The following XRCC5 variants were observed in gnomAD, a reference collection of about 807,000 sequenced individuals.
The protein encoded by XRCC5 is DNA repair protein Ku80.
A neutral mutation model predicts 95.7 loss-of-function variants in XRCC5; 12 were observed. The ratio of observed to expected loss-of-function variants is 0.13; its 90% CI spans 0.08 to 0.20. XRCC5 has a LOEUF of 0.20. XRCC5 is among the 10% of genes least tolerant of loss of function. The pLI is 1.00. For missense variants in XRCC5, 595 were observed against 873.9 expected (o/e 0.68, Z 4.02); for synonymous variants, 281 against 290.3 (o/e 0.97, Z 0.33).
intron 16 of XRCC5, among the ~76,000 whole-genome samples, chr2:216,177,574 G>A (rs938295030): frequency 6.6e-6 from 1 of 152,210 alleles, no homozygotes; most frequent in Admixed American, 6.5e-5. Flanking sequence ...TGGAAAAATT[G>A]TGTAGATTTT....
chr2:216,154,176 T>G (rs1364751808), intron 14 of XRCC5, among the ~76,000 whole-genome samples: 2 of 152,326 alleles, frequency 1.3e-5, no homozygotes, highest in African/African-American at 2.4e-5. Context: ...CAGTTGAAAT[T>G]GGCAAGTTGC....
chr2:216,197,399 C>T (rs1409408100), intron 19 of XRCC5, among the ~76,000 whole-genome samples: 4 of 146,260 alleles, frequency 2.7e-5, no homozygotes, highest in South Asian at 2.2e-4. Flanking sequence ...GAGCCGAGAT[C>T]GCGCCATTGC....
At chr2:216,163,769 T>G (rs1014968122) in intron 16 of XRCC5, among the ~76,000 whole-genome samples, 1 of 152,196 alleles carries the variant, frequency 6.6e-6, no homozygotes, top group Non-Finnish European at 1.5e-5. Flanking sequence ...TCTACCAGGC[T>G]TAAATCCTGT....
chr2:216,163,139 C>CT (rs35554087), intron 16 of XRCC5, among the ~76,000 whole-genome samples: 46 of 147,982 alleles, frequency 3.1e-4, no homozygotes, highest in Middle Eastern at 3.4e-3. Context: ...AGGGGAATCA[C>CT]TTTTTTTTTT....
intron 1 of XRCC5, 141 bp from the exon 2 acceptor site, chr2:216,112,875 C>G: frequency 1.6e-6 from 1 of 626,656 alleles, no homozygotes. Flanking sequence ...GTCTTACACA[C>G]ATTCTTATGT....
rs549417783 is a variant in XRCC5, at chr2:216,153,195, C to T, written c.1670+4919C>T. Among the ~76,000 whole-genome samples, 17 of 152,320 alleles carry T rather than the reference C, an allele frequency of 1.1e-4. 1 individual carries two copies. In the East Asian group the frequency reaches 1.5e-3, roughly 14 times the overall value. ...AAGACACTAACTGCTAAATTCACTT[C>T]GGCTTTGTGGTTCTTTGCTTTCTTG... is the stretch of plus-strand genomic sequence containing the variant. On this transcript the variant is annotated intron_variant, in intron 14 of 20. Coordinates refer to ENST00000392132, the MANE Select transcript of XRCC5 (RefSeq NM_021141.4).
intron 5 of XRCC5, among the ~76,000 whole-genome samples, chr2:216,121,015 C>T (rs41299758): frequency 0.014 from 2,124 of 152,282 alleles, 35 homozygotes; most frequent in Admixed American, 0.054. Context: ...GGATTACAGG[C>T]GTGAGCCACT....
At chr2:216,153,341 C>T (rs1688780484) in intron 14 of XRCC5, among the ~76,000 whole-genome samples, 1 of 152,156 alleles carries the variant, frequency 6.6e-6, no homozygotes, top group Admixed American at 6.5e-5. Context: ...CTCTCAGATT[C>T]CTGTGGGGGC....
intron 12 of XRCC5, among the ~76,000 whole-genome samples, chr2:216,139,424 T>TA (rs1697139674): frequency 1.3e-5 from 2 of 152,104 alleles, no homozygotes; most frequent in African/African-American, 4.8e-5. Flanking sequence ...AAACCCCTGA[T>TA]AAACCCATCA....
chr2:216,161,737 G>A (rs542964373), intron 15 of XRCC5, among the ~76,000 whole-genome samples: 43 of 152,290 alleles, frequency 2.8e-4, no homozygotes, highest in African/African-American at 9.6e-4. Context: ...TGACCCTTCT[G>A]GAAAGAAATC....
intron 16 of XRCC5, among the ~76,000 whole-genome samples, chr2:216,177,286 T>C (rs1034041622): frequency 2.0e-5 from 3 of 152,230 alleles, no homozygotes; most frequent in Admixed American, 6.5e-5. Context: ...TTGAAAGTTA[T>C]TCACCTTGAG....
intron 1 of XRCC5, among the ~76,000 whole-genome samples, chr2:216,109,685 T>C (rs935879738): frequency 1.2e-4 from 18 of 151,872 alleles, no homozygotes; most frequent in African/African-American, 4.4e-4. Context: ...ACCTCTTCCA[T>C]TACCCACCCA....
chr2:216,181,326 A>C (rs1689382518), intron 16 of XRCC5, among the ~76,000 whole-genome samples: 1 of 152,086 alleles, frequency 6.6e-6, no homozygotes, highest in Non-Finnish European at 1.5e-5. Flanking sequence ...GTTTGTACAG[A>C]TTTAAGTTCT....
In XRCC5 at chr2:216,192,531, T is replaced by G. The variant is rs375139600; in HGVS notation, c.1945-108T>G. 5 of 600,870 alleles carry G rather than the reference T, an allele frequency of 8.3e-6. No homozygotes were observed. The East Asian group carries it at 1.7e-4, about 20-fold the overall frequency. The allele number at this position is 600,870 out of a possible 1,614,324, so 37.2% of individuals were successfully genotyped here. On this transcript the variant is annotated intron_variant, in intron 17 of 20. Transcript: ENST00000392132. ...GTACCAAAGAAGAACATTTTATTTT[T>G]TTGTAATAAATAAGGTGATTCAGAC... is the stretch of plus-strand genomic sequence containing the variant.
chr2:216,127,394 A>C, intron 7 of XRCC5, 142 bp from the exon 8 acceptor site: 1 of 870,468 alleles, frequency 1.1e-6, no homozygotes, highest in East Asian at 2.8e-5. Flanking sequence ...AAATTTTCAT[A>C]ATAGGCATGA....
chr2:216,194,679 C>G (rs537624018), intron 18 of XRCC5, among the ~76,000 whole-genome samples: 4 of 152,136 alleles, frequency 2.6e-5, no homozygotes, highest in African/African-American at 9.7e-5. Context: ...TTTTAAAAAT[C>G]TCCAGCTCAG....
In XRCC5 at chr2:216,143,960, C is replaced by T. The variant is rs1459476422; in HGVS notation, c.1476+2641C>T. Among the ~76,000 whole-genome samples the T allele has an allele frequency of 2.0e-5, 3 of 152,072 alleles. No individual in the cohort carries two copies. In the South Asian group the frequency reaches 6.2e-4, roughly 32 times the overall value. ...CGATCTCCTGACCTTGTGATCCGCC[C>T]GCCTCGGCCTCCCCAAAGTGCTGGG... On this transcript the variant is annotated intron_variant, in intron 13 of 20. Transcript: ENST00000392132.
At chr2:216,155,414 C>T (rs957780514) in intron 14 of XRCC5, among the ~76,000 whole-genome samples, 20 of 151,678 alleles carry the variant, frequency 1.3e-4, no homozygotes, top group African/African-American at 4.6e-4. Context: ...TCTTCAATCT[C>T]AATTAGTAAT....
chr2:216,155,393 G>A lies in XRCC5; in HGVS notation c.1671-4675G>A, dbSNP rs1688822306. 2.0e-5 allele frequency among the ~76,000 whole-genome samples: 3 copies of A among 152,204 alleles called. No homozygotes were observed. In the South Asian group the frequency reaches 6.2e-4, roughly 32 times the overall value. On this transcript the variant is annotated intron_variant, in intron 14 of 20. Coordinates refer to ENST00000392132, the MANE Select transcript of XRCC5 (RefSeq NM_021141.4). ...GCAGAAACTCAGCTGGCTTACAAGTGTATGAAGAGATCTTCAATCTCAATT... is the reference window on the plus strand; with the variant it reads ...GCAGAAACTCAGCTGGCTTACAAGTATATGAAGAGATCTTCAATCTCAATT...
Sources: allele counts gnomAD v4.1 joint callset (sites outside exome capture counted in the v4.1 genomes callset), GRCh38; gene constraint gnomAD v4.1.1; transcripts MANE v1.5; gene names NCBI Gene and HGNC (gene_info 2026-07-23, HGNC 2026-07-21).